Variants in MAST4 observed in about 807,000 individuals in gnomAD.
The protein encoded by MAST4 is microtubule-associated serine/threonine-protein kinase 4.
Under a neutral mutation model 162.7 loss-of-function variants are expected in MAST4, and 89 were observed. The ratio of observed to expected loss-of-function variants is 0.55; its 90% CI spans 0.46 to 0.65. The LOEUF (loss-of-function observed/expected upper bound fraction) is 0.65, where lower values mean the gene tolerates loss of function less well. Among genes scored for constraint, MAST4 ranks in the 30% least tolerant of loss-of-function variants. The pLI is 0.00. For missense variants in MAST4, 3,153 were observed against 3,374.0 expected, an observed-to-expected ratio of 0.93 and a Z score of 1.62; for synonymous variants, 1,479 against 1,361.1, an observed-to-expected ratio of 1.09 and a Z score of -1.91.
Position 67,149,375 on chromosome 5 carries a change from TC to T in MAST4, c.3095-13del. On this transcript the variant is annotated splice_polypyrimidine_tract_variant and intron_variant, in intron 23 of 28. Transcript: ENST00000403625. ...GATTTTCCTGAATGTGTTTATCCCT[TC>T]TTCTTTGTACAGTTGGCAGTTTTTC... 1 of 1,607,962 alleles carries T rather than the reference TC, an allele frequency of 6.2e-7. No homozygotes were observed. The highest frequency in any genetic ancestry group is 1.3e-5 in the African/African-American group (1 of 74,970).
At chr5:66,656,328 G>C (rs1278397924) in intron 1 of MAST4, among the ~76,000 whole-genome samples, 1 of 152,152 alleles carries the variant, frequency 6.6e-6, no homozygotes, top group Non-Finnish European at 1.5e-5. Flanking sequence ...GCCTTCTCTG[G>C]CATGTTTTCC....
chr5:67,071,240 G>A (rs556957635), intron 5 of MAST4, among the ~76,000 whole-genome samples: 1 of 152,154 alleles, frequency 6.6e-6, no homozygotes, highest in South Asian at 2.1e-4. Flanking sequence ...ACAAACAACC[G>A]AAACTATCTG....
chr5:66,614,709 G>C (rs1258099587), intron 1 of MAST4, among the ~76,000 whole-genome samples: 2 of 150,348 alleles, frequency 1.3e-5, no homozygotes, highest in Non-Finnish European at 2.9e-5. Context: ...GCCAAAAAGA[G>C]CCAAAAAGAC....
intron 3 of MAST4, among the ~76,000 whole-genome samples, chr5:66,858,323 A>G (rs1203549430): frequency 1.3e-5 from 2 of 152,014 alleles, no homozygotes; most frequent in Non-Finnish European, 2.9e-5. Context: ...CTAAAATTTT[A>G]AAGTTGTGTT....
intron 1 of MAST4, among the ~76,000 whole-genome samples, chr5:66,674,975 A>G (rs987464738): frequency 1.3e-5 from 2 of 152,206 alleles, no homozygotes; most frequent in Non-Finnish European, 2.9e-5. Context: ...AGCTAAGAAC[A>G]CAGCCAGCTT....
chr5:67,131,634 T>G (rs1322137310), intron 15 of MAST4, among the ~76,000 whole-genome samples, 179 bp from the exon 16 acceptor site: 1 of 152,222 alleles, frequency 6.6e-6, no homozygotes, highest in African/African-American at 2.4e-5. Flanking sequence ...AAATCTGTAT[T>G]TTCTCCATAC....
intron 4 of MAST4, among the ~76,000 whole-genome samples, chr5:66,928,089 A>G (rs1228312844): frequency 6.6e-6 from 1 of 152,206 alleles, no homozygotes; most frequent in East Asian, 1.9e-4. Context: ...GACCTTGATC[A>G]TCAGCAAAGA....
intron 3 of MAST4, among the ~76,000 whole-genome samples, chr5:66,795,823 A>G (rs553828213): frequency 6.6e-6 from 1 of 152,356 alleles, no homozygotes; most frequent in East Asian, 1.9e-4. Context: ...AGCTGAAGGC[A>G]TTATTCCACA....
intron 1 of MAST4, among the ~76,000 whole-genome samples, chr5:66,605,887 C>T (rs1026492494): frequency 6.6e-6 from 1 of 152,174 alleles, no homozygotes; most frequent in Admixed American, 6.5e-5. Context: ...AACATTTCTA[C>T]CCAGAGAAAG....
chr5:66,858,403 G>A (rs1759842762), intron 3 of MAST4, among the ~76,000 whole-genome samples: 1 of 152,118 alleles, frequency 6.6e-6, no homozygotes, highest in African/African-American at 2.4e-5. Flanking sequence ...ATTTTTCCAG[G>A]CAGAGAGTGA....
intron 5 of MAST4, among the ~76,000 whole-genome samples, chr5:67,074,928 T>G (rs1761429109): frequency 6.6e-6 from 1 of 152,232 alleles, no homozygotes; most frequent in Non-Finnish European, 1.5e-5. Context: ...AAAATTCATG[T>G]GCATATTGCT....
At chr5:66,825,932 GGAAAAA>G (rs1757232216) in intron 3 of MAST4, among the ~76,000 whole-genome samples, 2 of 152,062 alleles carry the variant, frequency 1.3e-5, no homozygotes, top group African/African-American at 4.8e-5. Context: ...TAAAATCACA[GGAAAAA>G]TGAGTTTATT....
intron 2 of MAST4, among the ~76,000 whole-genome samples, chr5:66,774,949 A>G (rs935067257): frequency 1.3e-5 from 2 of 151,810 alleles, no homozygotes; most frequent in Non-Finnish European, 2.9e-5. Flanking sequence ...ATGAATGGCA[A>G]GTGTTTAGAG....
chr5:67,134,794 A>C, intron 18 of MAST4, 106 bp downstream of exon 18: 1 of 936,668 alleles, frequency 1.1e-6, no homozygotes. Flanking sequence ...AACCTTTATC[A>C]AACAGTTGAG....
chr5:66,763,735 G>A (rs987753329), intron 2 of MAST4, among the ~76,000 whole-genome samples: 2 of 151,992 alleles, frequency 1.3e-5, no homozygotes, highest in East Asian at 1.9e-4. Flanking sequence ...GTATACAGAC[G>A]GTCCCCCACT....
intron 5 of MAST4, among the ~76,000 whole-genome samples, chr5:67,055,535 G>T (rs1171698974): frequency 6.6e-6 from 1 of 152,206 alleles, no homozygotes; most frequent in Non-Finnish European, 1.5e-5. Flanking sequence ...CTGGGGAGAA[G>T]AAGGGAGAGA....
At chr5:67,019,779 G>A (rs1008502412) in intron 4 of MAST4, among the ~76,000 whole-genome samples, 2 of 152,054 alleles carry the variant, frequency 1.3e-5, no homozygotes, top group East Asian at 1.9e-4. Flanking sequence ...AGTTCTATCC[G>A]GGGAATTACT....
intron 1 of MAST4, among the ~76,000 whole-genome samples, chr5:66,619,611 C>T (rs1743943076): frequency 1.3e-5 from 2 of 151,906 alleles, no homozygotes; most frequent in African/African-American, 4.8e-5. Context: ...TTCCCTCCAC[C>T]GAGTCAATAT....
chr5:66,929,507 C>T (rs1042206893), intron 4 of MAST4, among the ~76,000 whole-genome samples: 1 of 152,168 alleles, frequency 6.6e-6, no homozygotes, highest in African/African-American at 2.4e-5. Context: ...GTTTCTTAAT[C>T]CAGTCAAATT....
Sources: gnomAD v4.1 joint callset for allele counts (sites outside exome capture counted in the v4.1 genomes callset) on GRCh38, gnomAD v4.1.1 for gene constraint, MANE v1.5 for transcripts, NCBI Gene and HGNC (gene_info 2026-07-23, HGNC 2026-07-21) for gene names.